The following SIPA1L3 variants were observed in gnomAD, a reference collection of about 807,000 sequenced individuals.
SIPA1L3 encodes signal induced proliferation associated 1 like 3.
In SIPA1L3, 59 loss-of-function variants were observed where a neutral mutation model predicts 150.1. That is an observed-to-expected ratio of 0.39 (90% CI 0.32 to 0.49). SIPA1L3 has a LOEUF of 0.49. SIPA1L3 is among the 20% of genes least tolerant of loss of function. The pLI is 0.86. For missense variants in SIPA1L3, 2,211 were observed against 2,489.5 expected (o/e 0.89, Z 2.38); for synonymous variants, 1,070 against 1,077.6 (o/e 0.99, Z 0.14).
intron 15 of SIPA1L3, among the ~76,000 whole-genome samples, chr19:38,176,003 C>G (rs759904191): frequency 6.6e-5 from 10 of 152,066 alleles, no homozygotes; most frequent in Non-Finnish European, 1.3e-4. Flanking sequence ...GTCAGAAGTT[C>G]AAGACCAGCC....
At position 38,182,605 on chromosome 19, in the gene SIPA1L3, C is replaced by A; in HGVS notation, c.4295C>A (p.Pro1432His). Residue 1432 changes from proline to histidine, a missense_variant, in exon 16 of 22, where the codon CCC becomes CAC. Pro to His is a moderately conservative substitution (Grantham distance 77). This residue lies in a region of SIPA1L3 where 806 missense variants were observed against 870.1 expected (regional missense o/e 0.93). Coordinates refer to ENST00000222345, the MANE Select transcript of SIPA1L3 (RefSeq NM_015073.3). ...ETPRPSQLAQ[P>H]SPFQLSASVP... ...CCTCGGCCCTCCCAGCTGGCCCAGC[C>A]CAGCCCCTTTCAGCTCTCCGCCTCC... is the stretch of plus-strand genomic sequence containing the variant. The A allele has an allele frequency of 1.2e-6, 2 of 1,614,226 alleles. No individual in the cohort carries two copies. The highest frequency in any genetic ancestry group is 1.7e-6 in the Non-Finnish European group (2 of 1,180,038).
intron 13 of SIPA1L3, among the ~76,000 whole-genome samples, chr19:38,155,317 C>A (rs1971919305): frequency 6.6e-6 from 1 of 152,066 alleles, no homozygotes; most frequent in African/African-American, 2.4e-5. Context: ...CTCAGGTGAT[C>A]CTCCTACCTC....
chr19:38,163,308 A>T (rs1382957705), intron 14 of SIPA1L3, among the ~76,000 whole-genome samples: 1 of 151,986 alleles, frequency 6.6e-6, no homozygotes, highest in Non-Finnish European at 1.5e-5. Flanking sequence ...TGGGCAACCT[A>T]GTAAAACCCC....
Position 38,208,320 on chromosome 19 carries a change from T to G in SIPA1L3, c.*2080T>G, listed in dbSNP as rs1973276298. On this transcript the variant is annotated 3_prime_UTR_variant, in exon 22 of 22. Coordinates refer to ENST00000222345, the MANE Select transcript of SIPA1L3 (RefSeq NM_015073.3). ...TTTTTCCCCATCCCTGTCTTGAGAT[T>G]TTCTGGCATGTTTCTGGAGGTTTCA... The G allele has an allele frequency of 6.6e-6, 1 of 152,410 alleles. No individual in the cohort carries two copies. The allele number at this position is 152,410 out of a possible 1,614,324, so 9.4% of individuals were successfully genotyped here. A position where few individuals can be genotyped will look rare whatever the true frequency, so the allele number is the denominator to read the frequency against.
Position 38,149,640 on chromosome 19 carries a change from C to G in SIPA1L3, c.3534-3200C>G, listed in dbSNP as rs138027877. ...TATTGCTGTCCTTGGCCTTTTGCCT[C>G]CTGGTTCAAAGTGGCTGTTCAAGCT... On this transcript the variant is annotated intron_variant, in intron 12 of 21. Coordinates refer to ENST00000222345, the MANE Select transcript of SIPA1L3 (RefSeq NM_015073.3). Among the ~76,000 whole-genome samples the G allele has an allele frequency of 8.1e-4, 123 of 152,294 alleles. 3 individuals are homozygous for G. In the East Asian group the frequency reaches 0.018, roughly 22 times the overall value.
intron 1 of SIPA1L3, among the ~76,000 whole-genome samples, chr19:37,989,146 T>G (rs1439822087): frequency 2.0e-5 from 3 of 152,194 alleles, no homozygotes; most frequent in Non-Finnish European, 4.4e-5. Context: ...GCTGCTTAAG[T>G]GCTTCTTTGT....
At chr19:38,203,204 T>C (rs1370261478) in intron 20 of SIPA1L3, among the ~76,000 whole-genome samples, 1 of 152,172 alleles carries the variant, frequency 6.6e-6, no homozygotes, top group Non-Finnish European at 1.5e-5. Flanking sequence ...TTCCAGATGG[T>C]GCTGCTGGGC....
At chr19:38,105,543 A>G (rs899122333) in intron 6 of SIPA1L3, among the ~76,000 whole-genome samples, 2 of 152,146 alleles carry the variant, frequency 1.3e-5, no homozygotes, top group Non-Finnish European at 2.9e-5. Flanking sequence ...CCCTCCTATT[A>G]GAGAGAACTC....
At chr19:38,025,230 T>G (rs748593954) in intron 1 of SIPA1L3, among the ~76,000 whole-genome samples, 11 of 152,218 alleles carry the variant, frequency 7.2e-5, no homozygotes. Context: ...CCTTTCCCCC[T>G]TACATTATCT....
intron 1 of SIPA1L3, among the ~76,000 whole-genome samples, chr19:37,997,266 C>G (rs1424478048): frequency 6.6e-6 from 1 of 152,020 alleles, no homozygotes; most frequent in African/African-American, 2.4e-5. Flanking sequence ...TTCACCAGTA[C>G]AGTTAGAGAA....
At chr19:38,018,885 G>C (rs1358014508) in intron 1 of SIPA1L3, among the ~76,000 whole-genome samples, 1 of 152,158 alleles carries the variant, frequency 6.6e-6, no homozygotes, top group Non-Finnish European at 1.5e-5. Flanking sequence ...TGTCCAGAGT[G>C]AGGTAGTGCC....
chr19:38,191,413 C>T (rs1042688532), intron 16 of SIPA1L3, among the ~76,000 whole-genome samples: 3 of 149,020 alleles, frequency 2.0e-5, no homozygotes, highest in Non-Finnish European at 4.5e-5. Flanking sequence ...AAAAAAAAAA[C>T]CAAAAAGCAA....
At chr19:38,127,686 A>T (rs1971207939) in intron 9 of SIPA1L3, among the ~76,000 whole-genome samples, 2 of 151,502 alleles carry the variant, frequency 1.3e-5, no homozygotes, top group Non-Finnish European at 2.9e-5. Flanking sequence ...TTTAGTAGAG[A>T]TGAAGTCTTG....
chr19:38,034,104 C>T (rs542190329), intron 2 of SIPA1L3, among the ~76,000 whole-genome samples: 2 of 152,200 alleles, frequency 1.3e-5, no homozygotes, highest in East Asian at 3.9e-4. Context: ...CACATCGCTC[C>T]TGCTGCCATG....
At position 37,946,995 on chromosome 19, in the gene SIPA1L3, A is replaced by G. The variant is rs530716743; in HGVS notation, c.-379+39637A>G. Among the ~76,000 whole-genome samples, 64 of 151,964 alleles carry G rather than the reference A, an allele frequency of 4.2e-4. No homozygotes were observed. In the East Asian group the frequency reaches 0.012, roughly 29 times the overall value. On this transcript the variant is annotated intron_variant, in intron 1 of 21. Coordinates refer to ENST00000222345, the MANE Select transcript of SIPA1L3 (RefSeq NM_015073.3). ...GAGGCCAAGAGGCCAGGAGTTTGAC[A>G]CCAGCCTTGGCAACATAGTGAGACC...
chr19:38,134,854 G>A (rs1282658941), intron 10 of SIPA1L3, among the ~76,000 whole-genome samples: 3 of 152,114 alleles, frequency 2.0e-5, no homozygotes, highest in East Asian at 3.9e-4. Context: ...GGGAAGGCCC[G>A]AAGGTGAGGG....
intron 1 of SIPA1L3, among the ~76,000 whole-genome samples, chr19:37,950,006 G>A (rs1301010952): frequency 1.3e-5 from 2 of 150,432 alleles, no homozygotes; most frequent in Non-Finnish European, 3.0e-5. Flanking sequence ...GAACCCGGGA[G>A]GCAGAGGTTG....
intron 1 of SIPA1L3, among the ~76,000 whole-genome samples, chr19:37,985,752 TG>T (rs1047242113): frequency 6.6e-6 from 1 of 152,270 alleles, no homozygotes; most frequent in African/African-American, 2.4e-5. Context: ...AGGATGGCTG[TG>T]GGGAGCTGAC....
At chr19:37,926,447 G>A (rs1247657163) in intron 1 of SIPA1L3, among the ~76,000 whole-genome samples, 4 of 152,172 alleles carry the variant, frequency 2.6e-5, no homozygotes, top group Non-Finnish European at 2.9e-5. Flanking sequence ...AGGGGCACCC[G>A]CGGACTCTTG....
Sources: gnomAD v4.1 joint callset for allele counts (sites outside exome capture counted in the v4.1 genomes callset) on GRCh38, gnomAD v4.1.1 for gene constraint, gnomAD v4.1.1 regional missense constraint, MANE v1.5 for transcripts, NCBI Gene and HGNC (gene_info 2026-07-23, HGNC 2026-07-21) for gene names.